SHTN1: variants seen among roughly 807,000 people sequenced by gnomAD.
SHTN1 encodes shootin-1.
A neutral mutation model predicts 83.1 loss-of-function variants in SHTN1; 42 were observed. That is an observed-to-expected ratio of 0.51 (90% CI 0.39 to 0.65). The LOEUF (loss-of-function observed/expected upper bound fraction) is 0.65. SHTN1 is among the 30% of genes least tolerant of loss of function. SHTN1 has a pLI of 0.00. For missense variants in SHTN1, 622 were observed against 737.8 expected, an observed-to-expected ratio of 0.84 and a Z score of 1.82; for synonymous variants, 224 against 247.7, an observed-to-expected ratio of 0.90 and a Z score of 0.90.
intron 1 of SHTN1, among the ~76,000 whole-genome samples, chr10:117,111,197 C>CA (rs996124982): frequency 1.1e-4 from 17 of 151,934 alleles, no homozygotes; most frequent in African/African-American, 3.1e-4. Context: ...GGCCCTGTCT[C>CA]AAAAAAACAG....
chr10:117,101,126 T>G (rs1243178118), intron 1 of SHTN1, among the ~76,000 whole-genome samples: 1 of 151,350 alleles, frequency 6.6e-6, no homozygotes, highest in African/African-American at 2.4e-5. Context: ...AGAGAAGGAG[T>G]TGAAATAGGG....
intron 9 of SHTN1, among the ~76,000 whole-genome samples, chr10:116,930,577 T>A (rs1848923074): frequency 6.6e-6 from 1 of 152,230 alleles, no homozygotes; most frequent in African/African-American, 2.4e-5. Context: ...TTTTTATGGC[T>A]ACACCGTATT....
chr10:116,940,425 ATG>A (rs112059393), intron 9 of SHTN1, 39 bp downstream of exon 9: 97 of 1,584,834 alleles, frequency 6.1e-5, no homozygotes, highest in Non-Finnish European at 7.1e-5. Flanking sequence ...GTATGCATGT[ATG>A]TGTGTGTGTA....
At chr10:116,957,059 G>A (rs1850008961) in intron 4 of SHTN1, among the ~76,000 whole-genome samples, 1 of 151,850 alleles carries the variant, frequency 6.6e-6, no homozygotes, top group South Asian at 2.1e-4. Context: ...AAAGCACTGG[G>A]ATTACAGGAG....
At chr10:116,967,383 A>G (rs1346523752) in intron 3 of SHTN1, among the ~76,000 whole-genome samples, 2 of 152,210 alleles carry the variant, frequency 1.3e-5, no homozygotes, top group Admixed American at 1.3e-4. Flanking sequence ...CACTCTTAAA[A>G]ATGTTTAAGT....
intron 3 of SHTN1, 99 bp from the exon 4 acceptor site, chr10:116,960,329 T>TG (rs1850141172): frequency 2.9e-6 from 2 of 685,862 alleles, no homozygotes; most frequent in Admixed American, 4.6e-5. Flanking sequence ...TTCAATTCTT[T>TG]GGCTAGCCAG....
chr10:116,907,768 A>T, intron 14 of SHTN1: 1 of 443,686 alleles, frequency 2.3e-6, no homozygotes, highest in Non-Finnish European at 4.6e-6. Flanking sequence ...AGAGGACATA[A>T]GAACCTCAAG....
chr10:116,890,297 A>G (rs950054209), intron 16 of SHTN1, among the ~76,000 whole-genome samples: 1 of 152,242 alleles, frequency 6.6e-6, no homozygotes, highest in African/African-American at 2.4e-5. Context: ...CTTAAATTTT[A>G]CAAGTATCAC....
chr10:116,888,956 T>C (rs920125006), intron 16 of SHTN1, among the ~76,000 whole-genome samples: 18 of 152,238 alleles, frequency 1.2e-4, no homozygotes, highest in African/African-American at 4.1e-4. Flanking sequence ...AGTCTGCAGA[T>C]TGAGTCACCA....
At chr10:116,905,951 C>T (rs1847952573) in intron 15 of SHTN1, among the ~76,000 whole-genome samples, 1 of 152,188 alleles carries the variant, frequency 6.6e-6, no homozygotes, top group African/African-American at 2.4e-5. Flanking sequence ...ACTGTGAGCT[C>T]CAGACTCGCT....
At chr10:117,063,483 C>T (rs1409147881) in intron 1 of SHTN1, among the ~76,000 whole-genome samples, 1 of 152,170 alleles carries the variant, frequency 6.6e-6, no homozygotes, top group African/African-American at 2.4e-5. Context: ...TCTCAATGGG[C>T]ATGCATTGCT....
intron 3 of SHTN1, among the ~76,000 whole-genome samples, chr10:116,961,874 G>A (rs1850198662): frequency 6.6e-6 from 1 of 152,192 alleles, no homozygotes; most frequent in South Asian, 2.1e-4. Flanking sequence ...ACGGCATAAT[G>A]GTATCAGCAC....
At chr10:117,117,096 A>G (rs950595995) in intron 1 of SHTN1, among the ~76,000 whole-genome samples, 1 of 152,130 alleles carries the variant, frequency 6.6e-6, no homozygotes, top group Non-Finnish European at 1.5e-5. Flanking sequence ...GTGTCCAGAT[A>G]GGAAAAGAAG....
At chr10:116,999,765 T>C (rs559894773) in intron 1 of SHTN1, among the ~76,000 whole-genome samples, 1 of 152,084 alleles carries the variant, frequency 6.6e-6, no homozygotes, top group East Asian at 1.9e-4. Context: ...ATACAAAAAT[T>C]AGCCGGGTGT....
chr10:116,974,173 A>C, intron 2 of SHTN1: 2 of 1,018,348 alleles, frequency 2.0e-6, no homozygotes, highest in Non-Finnish European at 2.4e-6. Context: ...TGTGTGTTAG[A>C]TGGAAACACA....
chr10:117,102,217 C>T (rs1165752516), intron 1 of SHTN1, among the ~76,000 whole-genome samples: 5 of 152,086 alleles, frequency 3.3e-5, no homozygotes, highest in African/African-American at 7.2e-5. Flanking sequence ...GAGGAACTCA[C>T]GAAGGACTCA....
chr10:116,910,788 T>C (rs1439942912), intron 14 of SHTN1, among the ~76,000 whole-genome samples: 4 of 152,224 alleles, frequency 2.6e-5, no homozygotes, highest in Non-Finnish European at 4.4e-5. Flanking sequence ...AATCACCACA[T>C]GCTTTTTCAA....
intron 2 of SHTN1, among the ~76,000 whole-genome samples, chr10:117,032,678 C>T (rs1852435762): frequency 6.6e-6 from 1 of 152,132 alleles, no homozygotes; most frequent in Non-Finnish European, 1.5e-5. Flanking sequence ...CAGACTTAAT[C>T]TGCACTGTAG....
intron 2 of SHTN1, among the ~76,000 whole-genome samples, chr10:117,044,228 C>CT (rs1852629113): frequency 6.6e-6 from 1 of 152,036 alleles, no homozygotes; most frequent in Admixed American, 6.6e-5. Context: ...AATACATATT[C>CT]TTATACACAT....
Sources: gnomAD v4.1 joint callset for allele counts (sites outside exome capture counted in the v4.1 genomes callset) on GRCh38, gnomAD v4.1.1 for gene constraint, MANE v1.5 for transcripts, NCBI Gene and HGNC (gene_info 2026-07-23, HGNC 2026-07-21) for gene names.